The following HPCAL4 variants were observed in gnomAD, a reference collection of about 807,000 sequenced individuals.
HPCAL4 encodes hippocalcin like 4.
Under a neutral mutation model 18.2 loss-of-function variants are expected in HPCAL4, and 16 were observed. The ratio of observed to expected loss-of-function variants is 0.88; its 90% confidence interval spans 0.59 to 1.33. The LOEUF (loss-of-function observed/expected upper bound fraction) is 1.33. Among genes scored for constraint, HPCAL4 ranks in the 40% most tolerant of loss-of-function variants. The pLI, the probability that HPCAL4 is intolerant of heterozygous loss-of-function variation, is 0.00. For synonymous variants in HPCAL4, 80 were observed against 97.5 expected (o/e 0.82, Z 1.06); for missense variants, 214 against 256.6 (o/e 0.83, Z 1.14).
intron 2 of HPCAL4, 45 bp from the exon 3 acceptor site, chr1:39,684,197 A>G: frequency 1.2e-6 from 1 of 842,014 alleles, no homozygotes. Context: ...AGCCCCGCCC[A>G]CCCCGCCCCC....
Position 39,682,431 on chromosome 1 carries a change from AG to A in HPCAL4, c.*104del. The A allele has an allele frequency of 9.7e-7, 1 of 1,032,766 alleles. No homozygotes were observed. Among genetic ancestry groups the A allele is most frequent in the Non-Finnish European group, 1.5e-6 (1 of 683,896 alleles). 64.0% of individuals were successfully genotyped at this position (1,032,766 alleles called of 1,614,324 possible). ...GGGCAGAGGACTGGGTGGGCCAGAGAGGGGGGCTGGAGTGTCCCTCCTCCTG... is the reference window on the plus strand; with the variant it reads ...GGGCAGAGGACTGGGTGGGCCAGAGAGGGGGCTGGAGTGTCCCTCCTCCTG... On this transcript the variant is annotated 3_prime_UTR_variant, in exon 4 of 4. Coordinates refer to ENST00000372844, the MANE Select transcript of HPCAL4 (RefSeq NM_016257.4).
rs993790762 is a variant in HPCAL4, at chr1:39,681,458, A to G, written c.*1078T>C. 5 of 152,198 alleles carry G rather than the reference A, an allele frequency of 3.3e-5. No homozygotes were observed. The highest frequency in any genetic ancestry group is 5.9e-5 in the Non-Finnish European group (4 of 68,038). 9.4% of individuals were successfully genotyped at this position (152,198 alleles called of 1,614,324 possible). A position where few individuals can be genotyped will look rare whatever the true frequency, so the allele number is the denominator to read the frequency against. On this transcript the variant is annotated 3_prime_UTR_variant, in exon 4 of 4. Coordinates refer to ENST00000372844, the MANE Select transcript of HPCAL4 (RefSeq NM_016257.4). Reference sequence around the variant, plus strand: ...TTCCTGTCCCTGAAGTCAGCACCCAACCGGAGTAAGTATGTAGCAGAAAGT... The same window carrying G: ...TTCCTGTCCCTGAAGTCAGCACCCAGCCGGAGTAAGTATGTAGCAGAAAGT...
chr1:39,691,275 T>G (rs1646716187), intron 1 of HPCAL4, 31 bp downstream of exon 1: 1 of 152,262 alleles, frequency 6.6e-6, no homozygotes, highest in African/African-American at 2.4e-5. Context: ...GTGGGTTTGT[T>G]GCCTTGAGGA....
intron 3 of HPCAL4, among the ~76,000 whole-genome samples, chr1:39,683,169 C>T (rs1433692526): frequency 1.3e-5 from 2 of 152,202 alleles, no homozygotes; most frequent in African/African-American, 4.8e-5. Context: ...CAGGCGTGAG[C>T]CACCACGCCC....
chr1:39,684,392 TC>T, intron 2 of HPCAL4, 49 bp downstream of exon 2: 1 of 1,197,736 alleles, frequency 8.3e-7, no homozygotes. Context: ...GTTCCTCGCC[TC>T]CCCCAACCCG....
chr1:39,684,555 C>T lies in HPCAL4; in HGVS notation c.49G>A (p.Val17Ile). 6.2e-7 allele frequency: 1 copy of T among 1,612,652 alleles called. No individual in the cohort carries two copies. The highest frequency in any genetic ancestry group is 2.2e-5 in the East Asian group (1 of 44,810). The change falls in exon 2 of 4, where the codon GTT (valine) becomes ATT (isoleucine). Residue 17 changes from valine to isoleucine, a missense_variant. Transcript: ENST00000372844. Reference protein sequence around the residue: ...KLAPEVLEDLVQNTEFSEQEL... With the variant: ...KLAPEVLEDLIQNTEFSEQEL... ...TGCTCGCTGAACTCAGTGTTCTGAA[C>T]AAGGTCCTCCAGCACCTCGGGGGCC...
intron 3 of HPCAL4, among the ~76,000 whole-genome samples, chr1:39,683,351 C>T (rs983488917): frequency 5.3e-5 from 8 of 152,218 alleles, no homozygotes; most frequent in African/African-American, 1.9e-4. Context: ...CCTGGCCCCT[C>T]CTTGAACTCT....
rs546200426 is a variant in HPCAL4 at position 39,683,531 on chromosome 1, A to G, written c.378+406T>C. ...GCACTTTGCTTAGTGTATCTTCCTC[A>G]TAGCACCTACGGCCTGACCCCGCAT... is the stretch of plus-strand genomic sequence containing the variant. On this transcript the variant is annotated intron_variant, in intron 3 of 3. Coordinates refer to ENST00000372844, the MANE Select transcript of HPCAL4 (RefSeq NM_016257.4). Among the ~76,000 whole-genome samples the G allele has an allele frequency of 3.3e-5, 5 of 152,314 alleles. No homozygotes were observed. In the East Asian group the frequency reaches 9.6e-4, roughly 29 times the overall value.
In HPCAL4 at chr1:39,682,365, G is replaced by A. The variant is rs1436947953; in HGVS notation, c.*171C>T. On this transcript the variant is annotated 3_prime_UTR_variant, in exon 4 of 4. Coordinates refer to ENST00000372844, the MANE Select transcript of HPCAL4 (RefSeq NM_016257.4). ...AGGACCTGTCTCTTTTGCAGGGTGAGGTGGTCCCTCAAAGATCTTGATGGA... is the reference window on the plus strand; with the variant it reads ...AGGACCTGTCTCTTTTGCAGGGTGAAGTGGTCCCTCAAAGATCTTGATGGA... The A allele has an allele frequency of 1.5e-5, 9 of 619,878 alleles. No homozygotes were observed. Among genetic ancestry groups the A allele is most frequent in the Non-Finnish European group, 2.6e-5 (9 of 351,042 alleles). The allele number at this position is 619,878 out of a possible 1,614,324, so 38.4% of individuals were successfully genotyped here.
chr1:39,684,679 T>A (rs932514960), intron 1 of HPCAL4, 68 bp from the exon 2 acceptor site: 1 of 1,353,392 alleles, frequency 7.4e-7, no homozygotes, highest in Non-Finnish European at 9.8e-7. Flanking sequence ...AGCTGCCCCC[T>A]CCCCTGCCAC....
In HPCAL4 at chr1:39,680,178, G is replaced by C. The variant is rs17560858; in HGVS notation, c.*2358C>G. On this transcript the variant is annotated 3_prime_UTR_variant, in exon 4 of 4. Coordinates refer to ENST00000372844, the MANE Select transcript of HPCAL4 (RefSeq NM_016257.4). The stretch of plus-strand genomic sequence containing the variant: ...GTAACTTGCCCTGCTGTCAACCTCT[G>C]CACAGCTTAGTCACAGAAATGGACA... The C allele has an allele frequency of 0.063, 9,653 of 152,616 alleles. 409 individuals are homozygous for C. Among genetic ancestry groups the C allele is most frequent in the East Asian group, 0.11 (556 of 5,172 alleles). The allele number at this position is 152,616 out of a possible 1,614,324, so 9.5% of individuals were successfully genotyped here. A position where few individuals can be genotyped will look rare whatever the true frequency, so the allele number is the denominator to read the frequency against.
At chr1:39,683,131 G>A (rs1018266504) in intron 3 of HPCAL4, among the ~76,000 whole-genome samples, 2 of 152,146 alleles carry the variant, frequency 1.3e-5, no homozygotes, top group African/African-American at 4.8e-5. Context: ...TAATCCACCG[G>A]CCTCACCCTC....
chr1:39,684,146 G>C lies in HPCAL4; in HGVS notation c.169C>G (p.Pro57Ala), dbSNP rs746034211. 1 of 1,613,166 alleles carries C rather than the reference G, an allele frequency of 6.2e-7. No individual in the cohort carries two copies. The highest frequency in any genetic ancestry group is 8.5e-7 in the Non-Finnish European group (1 of 1,179,516). ...GCGAACTTGGAGGCGTCGCCGTAGG[G>C]GAAGAACTGAGGGGGGTGCGGTGGG... Reference protein sequence around the residue: ...EFQQLYIKFFPYGDASKFAQH... With the variant: ...EFQQLYIKFFAYGDASKFAQH... Residue 57 changes from proline (P) to alanine (A), a missense_variant, in exon 3 of 4, where the codon CCC becomes GCC. Pro to Ala is a conservative substitution (Grantham distance 27). Transcript: ENST00000372844.
At chr1:39,685,217 A>T (rs1010400449) in intron 1 of HPCAL4, among the ~76,000 whole-genome samples, 7 of 152,252 alleles carry the variant, frequency 4.6e-5, no homozygotes, top group African/African-American at 1.7e-4. Context: ...GATGAAGCAG[A>T]CATGAGCCAA....
rs1391459321 is a variant in HPCAL4, at chr1:39,681,040, T to C, written c.*1496A>G. ...ACTGCACGTCAAAGGTAATTTCTGATCACAAGTACAGGAGAAAGACCTGAT... is the reference window on the plus strand; with the variant it reads ...ACTGCACGTCAAAGGTAATTTCTGACCACAAGTACAGGAGAAAGACCTGAT... On this transcript the variant is annotated 3_prime_UTR_variant, in exon 4 of 4. Transcript: ENST00000372844. The C allele has an allele frequency of 6.6e-6, 1 of 152,614 alleles. No individual in the cohort carries two copies. The highest frequency in any genetic ancestry group is 1.5e-5 in the Non-Finnish European group (1 of 68,050). 9.5% of individuals were successfully genotyped at this position (152,614 alleles called of 1,614,324 possible).
intron 3 of HPCAL4, 53 bp from the exon 4 acceptor site, chr1:39,682,786 G>T: frequency 6.8e-7 from 1 of 1,461,508 alleles, no homozygotes; most frequent in Non-Finnish European, 9.6e-7. Flanking sequence ...GCCCCGAGAA[G>T]CAGCGGGTGA....
chr1:39,683,328 C>T lies in HPCAL4; in HGVS notation c.379-595G>A, dbSNP rs112016174. Among the ~76,000 whole-genome samples, 222 of 152,332 alleles carry T rather than the reference C, an allele frequency of 1.5e-3. 1 individual carries two copies. Among genetic ancestry groups the T allele is most frequent in the African/African-American group, 5.2e-3 (217 of 41,580 alleles). On this transcript the variant is annotated intron_variant, in intron 3 of 3. Transcript: ENST00000372844. The stretch of plus-strand genomic sequence containing the variant: ...CACTCTCTCCCTCTCATGGCTCTCC[C>T]ACCACCGGGCCTCCTGGCCCCTCCT...
At chr1:39,684,842 G>T (rs1266729871) in intron 1 of HPCAL4, among the ~76,000 whole-genome samples, 1 of 152,148 alleles carries the variant, frequency 6.6e-6, no homozygotes, top group Non-Finnish European at 1.5e-5. Context: ...CTCACTGACC[G>T]TGCAGCACGC....
chr1:39,682,787 C>T, intron 3 of HPCAL4, 54 bp from the exon 4 acceptor site: 1 of 1,459,124 alleles, frequency 6.9e-7, no homozygotes, highest in Non-Finnish European at 9.6e-7. Flanking sequence ...CCCCGAGAAG[C>T]AGCGGGTGAA....
Sources: allele counts gnomAD v4.1 joint callset (sites outside exome capture counted in the v4.1 genomes callset), GRCh38; gene constraint gnomAD v4.1.1; transcripts MANE v1.5; gene names NCBI Gene and HGNC (gene_info 2026-07-23, HGNC 2026-07-21).